SUN2: variants seen among roughly 807,000 people sequenced by gnomAD.
The protein encoded by SUN2 is SUN domain-containing protein 2.
A neutral mutation model predicts 100.0 loss-of-function variants in SUN2; 60 were observed. The ratio of observed to expected loss-of-function variants is 0.60; its 90% CI spans 0.49 to 0.74. The LOEUF (loss-of-function observed/expected upper bound fraction) is 0.74. Among genes scored for constraint, SUN2 ranks in the 30% least tolerant of loss-of-function variants. SUN2 has a pLI of 0.00. For synonymous variants in SUN2, 367 were observed against 403.3 expected, an observed-to-expected ratio of 0.91 and a Z score of 1.08; for missense variants, 834 against 954.6, an observed-to-expected ratio of 0.87 and a Z score of 1.66.
At chr22:38,745,931 C>G (rs1023680199) in intron 7 of SUN2, 120 bp from the exon 8 acceptor site, 2 of 1,437,246 alleles carry the variant, frequency 1.4e-6, no homozygotes, top group African/African-American at 2.8e-5. Flanking sequence ...GGAGCTGTGC[C>G]CTTCCAGAGG....
chr22:38,750,602 C>A (rs2092937702), intron 4 of SUN2, among the ~76,000 whole-genome samples: 1 of 152,230 alleles, frequency 6.6e-6, no homozygotes, highest in Admixed American at 6.5e-5. Flanking sequence ...GACTGAGCAC[C>A]CACCATGTGT....
At position 38,741,612 on chromosome 22, in the gene SUN2, G is replaced by A. The variant is rs142183145; in HGVS notation, c.1069-41C>T. ...GAGAGGACAGGTTGGACAGAGCCATGCTTATAGGGACCCTCATGACTAGGA... is the reference window on the plus strand; with the variant it reads ...GAGAGGACAGGTTGGACAGAGCCATACTTATAGGGACCCTCATGACTAGGA... On this transcript the variant is annotated intron_variant, in intron 9 of 17. Transcript: ENST00000689035. 4.6e-5 allele frequency: 72 copies of A among 1,569,706 alleles called. No homozygotes were observed. The African/African-American group carries it at 8.4e-4, about 18-fold the overall frequency.
intron 2 of SUN2, among the ~76,000 whole-genome samples, chr22:38,751,870 C>T (rs58556872): frequency 0.048 from 7,294 of 152,224 alleles, 611 homozygotes; most frequent in African/African-American, 0.17. Context: ...CACGCCCGTC[C>T]AGAGCAGGGG....
At chr22:38,749,170 G>T in intron 6 of SUN2, 1 of 206,732 alleles carries the variant, frequency 4.8e-6, no homozygotes, top group South Asian at 9.3e-5. Context: ...TTTCAGTATG[G>T]CCAGCTGTCC....
At position 38,738,438 on chromosome 22, in the gene SUN2, T is replaced by C. The variant is rs2092826163; in HGVS notation, c.1947+149A>G. The C allele has an allele frequency of 1.7e-6, 2 of 1,186,140 alleles. No individual in the cohort carries two copies. Among genetic ancestry groups the C allele is most frequent in the African/African-American group, 3.1e-5 (2 of 65,516 alleles). The allele number at this position is 1,186,140 out of a possible 1,614,324, so 73.5% of individuals were successfully genotyped here. A position where few individuals can be genotyped will look rare whatever the true frequency, so the allele number is the denominator to read the frequency against. On this transcript the variant is annotated intron_variant, in intron 16 of 17. Coordinates refer to ENST00000689035, the MANE Select transcript of SUN2 (RefSeq NM_015374.3). This position sits in a 1 kb window ranked among gnomAD's most constrained non-coding sequence, Gnocchi z 6.6. ...CTCCAAAGCCTAAGGTAACAGGGAC[T>C]GAAGTGCTGTCTCCCACCCTAGCTC...
chr22:38,755,931 G>A lies in SUN2; in HGVS notation c.-206C>T. Reference sequence around the variant, plus strand: ...GCGAAGAGCGGCGACGCGGGACAAGGCGGGCGGGCGGACAATGCGGCCGGC... The same window carrying A: ...GCGAAGAGCGGCGACGCGGGACAAGACGGGCGGGCGGACAATGCGGCCGGC... On this transcript the variant is annotated 5_prime_UTR_variant, in exon 1 of 18. Coordinates refer to ENST00000689035, the MANE Select transcript of SUN2 (RefSeq NM_015374.3). This position sits in a 1 kb window ranked among gnomAD's most constrained non-coding sequence, Gnocchi z 5.7. 1 of 983,186 alleles carries A rather than the reference G, an allele frequency of 1.0e-6. No individual in the cohort carries two copies. 60.9% of individuals were successfully genotyped at this position (983,186 alleles called of 1,614,324 possible).
chr22:38,755,644 C>T lies in SUN2; in HGVS notation c.-38+119G>A. 7 of 959,640 alleles carry T rather than the reference C, an allele frequency of 7.3e-6. No individual in the cohort carries two copies. Among genetic ancestry groups the T allele is most frequent in the Non-Finnish European group, 7.4e-6 (6 of 806,410 alleles). 59.4% of individuals were successfully genotyped at this position (959,640 alleles called of 1,614,324 possible). A position where few individuals can be genotyped will look rare whatever the true frequency, so the allele number is the denominator to read the frequency against. ...GGTGGAGGCTGGATCCGGCCCAGCA[C>T]GTCCCGGAGAGGAGGAAGCAGGCCT... On this transcript the variant is annotated intron_variant, in intron 1 of 17. Coordinates refer to ENST00000689035, the MANE Select transcript of SUN2 (RefSeq NM_015374.3). This position sits in a 1 kb window ranked among gnomAD's most constrained non-coding sequence, Gnocchi z 5.7.
rs2092789409 is a variant in SUN2 at position 38,734,977 on chromosome 22, C to T, written c.*1290G>A. 1.1e-5 allele frequency: 3 copies of T among 284,914 alleles called. No homozygotes were observed. The highest frequency in any genetic ancestry group is 2.1e-5 in the Non-Finnish European group (3 of 144,224). The allele number at this position is 284,914 out of a possible 1,614,324, so 17.6% of individuals were successfully genotyped here. ...CCTTCCCCGCAGCCAGACCACCAGA[C>T]ACAGCCGGAACCAGTGCCCCAGGCC... On this transcript the variant is annotated 3_prime_UTR_variant, in exon 18 of 18. Transcript: ENST00000689035.
At chr22:38,752,982 C>T (rs369216321) in intron 1 of SUN2, among the ~76,000 whole-genome samples, 99 of 152,312 alleles carry the variant, frequency 6.5e-4, no homozygotes, top group African/African-American at 2.3e-3. Flanking sequence ...TGCTGAGCTC[C>T]GCACAAGCCA....
chr22:38,735,016 AG>A lies in SUN2; in HGVS notation c.*1250del. ...GTGCCCCAGGCCCCTCTCCACGGCCAGGAACAAGAAACTGAGTATCACCCAG... is the reference window on the plus strand; with the variant it reads ...GTGCCCCAGGCCCCTCTCCACGGCCAGAACAAGAAACTGAGTATCACCCAG... On this transcript the variant is annotated 3_prime_UTR_variant, in exon 18 of 18. Transcript: ENST00000689035. 1 of 294,434 alleles carries A rather than the reference AG, an allele frequency of 3.4e-6. No homozygotes were observed. The highest frequency in any genetic ancestry group is 6.7e-6 in the Non-Finnish European group (1 of 148,242). 18.2% of individuals were successfully genotyped at this position (294,434 alleles called of 1,614,324 possible).
In SUN2 at chr22:38,736,026, C is replaced by G; in HGVS notation, c.*241G>C. On this transcript the variant is annotated 3_prime_UTR_variant, in exon 18 of 18. Coordinates refer to ENST00000689035, the MANE Select transcript of SUN2 (RefSeq NM_015374.3). Reference sequence around the variant, plus strand: ...GATATGCTACATATATACACACTCCCAGGATGGGAAGCAGACGCCACGGGC... The same window carrying G: ...GATATGCTACATATATACACACTCCGAGGATGGGAAGCAGACGCCACGGGC... 1 of 549,820 alleles carries G rather than the reference C, an allele frequency of 1.8e-6. No individual in the cohort carries two copies. Among genetic ancestry groups the G allele is most frequent in the Non-Finnish European group, 3.4e-6 (1 of 294,938 alleles). 34.1% of individuals were successfully genotyped at this position (549,820 alleles called of 1,614,324 possible). A position where few individuals can be genotyped will look rare whatever the true frequency, so the allele number is the denominator to read the frequency against.
In SUN2 at chr22:38,736,014, T is replaced by C. The variant is rs1281836699; in HGVS notation, c.*253A>G. 5.9e-6 allele frequency: 3 copies of C among 510,882 alleles called. No individual in the cohort carries two copies. The highest frequency in any genetic ancestry group is 3.9e-5 in the African/African-American group (2 of 50,900). The allele number at this position is 510,882 out of a possible 1,614,324, so 31.6% of individuals were successfully genotyped here. On this transcript the variant is annotated 3_prime_UTR_variant, in exon 18 of 18. Coordinates refer to ENST00000689035, the MANE Select transcript of SUN2 (RefSeq NM_015374.3). ...CCAGTCCCCCATGATATGCTACATA[T>C]ATACACACTCCCAGGATGGGAAGCA...
chr22:38,736,279 C>T lies in SUN2; in HGVS notation c.2142G>A (p.Glu714=). Residue 714 remains glutamate (E), a synonymous_variant, in exon 18 of 18, where the codon GAG becomes GAA. Transcript: ENST00000689035. The part of the protein sequence containing the change: ...TCIYRFRVHG[E]PAH ...CCAGTAAGCAGGGCTAGTGGGCGGG[C>T]TCCCCATGCACTCTGAAGCGGTAGA... The T allele has an allele frequency of 6.2e-7, 1 of 1,612,838 alleles. No individual in the cohort carries two copies. The highest frequency in any genetic ancestry group is 8.5e-7 in the Non-Finnish European group (1 of 1,179,308).
At chr22:38,750,829 C>A in intron 4 of SUN2, 69 bp downstream of exon 4, 2 of 1,594,984 alleles carry the variant, frequency 1.3e-6, no homozygotes, top group Non-Finnish European at 1.7e-6. Context: ...CCCCGGGGCT[C>A]CCTGCCCAGC....
intron 8 of SUN2, chr22:38,743,229 G>A (rs1306683291): frequency 6.6e-6 from 1 of 152,248 alleles, no homozygotes; most frequent in Non-Finnish European, 1.5e-5. Flanking sequence ...CTACTGAGCA[G>A]CAGAGGTTCT....
intron 1 of SUN2, among the ~76,000 whole-genome samples, chr22:38,752,905 G>A (rs1001890220): frequency 6.6e-6 from 1 of 152,242 alleles, no homozygotes; most frequent in Non-Finnish European, 1.5e-5. Context: ...CGTGACTCTG[G>A]AGCCTCTTCC....
At chr22:38,748,646 C>T in intron 7 of SUN2, 67 bp downstream of exon 7, 1 of 1,591,798 alleles carries the variant, frequency 6.3e-7, no homozygotes, top group East Asian at 2.2e-5. Context: ...TCCCTGCCTG[C>T]CAAAGGTCAC....
rs1212718791 is a variant in SUN2 at position 38,740,030 on chromosome 22, CAGGGATAGGGTAGG to C, written c.1357-101_1357-88del. ...ACAGGGCTAGTGCTTAGCTGGATAG[CAGGGATAGGGTAGG>C]AGGGAGGCCACTGGAGGAAAGAGTT... On this transcript the variant is annotated intron_variant, in intron 12 of 17. Coordinates refer to ENST00000689035, the MANE Select transcript of SUN2 (RefSeq NM_015374.3). The surrounding 1 kb of genome is among the most constrained non-coding windows in gnomAD (Gnocchi z 4.8). The C allele has an allele frequency of 2.9e-5, 42 of 1,472,268 alleles. No individual in the cohort carries two copies. The highest frequency in any genetic ancestry group is 3.7e-5 in the Non-Finnish European group (40 of 1,080,364). The allele number at this position is 1,472,268 out of a possible 1,614,324, so 91.2% of individuals were successfully genotyped here.
At chr22:38,741,413 A>G in intron 10 of SUN2, 81 bp downstream of exon 10, 2 of 1,426,024 alleles carry the variant, frequency 1.4e-6, no homozygotes, top group Middle Eastern at 2.0e-4. Context: ...GTCCCTTTGG[A>G]AGGGCCGAGG....
Sources: allele counts gnomAD v4.1 joint callset (sites outside exome capture counted in the v4.1 genomes callset), GRCh38; gene constraint gnomAD v4.1.1; non-coding constraint Gnocchi (gnomAD v3.1); transcripts MANE v1.5; gene names NCBI Gene and HGNC (gene_info 2026-07-23, HGNC 2026-07-21).